Variants in PTPN9 observed in about 807,000 individuals in gnomAD.
The protein encoded by PTPN9 is tyrosine-protein phosphatase non-receptor type 9.
In PTPN9, 26 loss-of-function variants were observed where a neutral mutation model predicts 69.8. The observed-to-expected ratio is 0.37, with a 90% confidence interval of 0.27 to 0.52. PTPN9 has a LOEUF of 0.52. PTPN9 is among the 20% of genes least tolerant of loss of function. The pLI, the probability that PTPN9 is intolerant of heterozygous loss-of-function variation, is 0.91. For missense variants in PTPN9, 549 were observed against 740.3 expected, an observed-to-expected ratio of 0.74 and a Z score of 3.00; for synonymous variants, 274 against 272.5, an observed-to-expected ratio of 1.01 and a Z score of -0.05.
chr15:75,470,865 G>T, intron 10 of PTPN9, 35 bp from the exon 11 acceptor site: 1 of 1,607,258 alleles, frequency 6.2e-7, no homozygotes, highest in Non-Finnish European at 8.5e-7. Flanking sequence ...GCCTTCCATC[G>T]TTCCTCTCCA....
rs1456670699 is a variant in PTPN9 at position 75,512,205 on chromosome 15, G to A, written c.529-3178C>T. On this transcript the variant is annotated intron_variant, in intron 5 of 12. Transcript: ENST00000618819. ...CTGGGATTATTTGGCTAAAGATTATGAATATTCTTTTTTTTTTTTTAAGAC... is the reference window on the plus strand; with the variant it reads ...CTGGGATTATTTGGCTAAAGATTATAAATATTCTTTTTTTTTTTTTAAGAC... 4.0e-5 allele frequency among the ~76,000 whole-genome samples: 6 copies of A among 151,834 alleles called. 1 individual carries two copies. In the South Asian group the frequency reaches 1.0e-3, roughly 26 times the overall value.
chr15:75,578,341 A>T (rs559444678), intron 1 of PTPN9, among the ~76,000 whole-genome samples: 4 of 152,250 alleles, frequency 2.6e-5, no homozygotes, highest in Admixed American at 2.6e-4. Context: ...AAAGCCACAA[A>T]CCCTCACGGA....
At position 75,517,346 on chromosome 15, in the gene PTPN9, A is replaced by T. The variant is rs1283579686; in HGVS notation, c.441T>A (p.Asn147Lys). The change falls in exon 5 of 13, where the codon AAT becomes AAA. Residue 147 changes from asparagine to lysine, a missense_variant. Asn to Lys is a moderately conservative substitution (Grantham distance 94). Around this residue, in one of 3 missense-constraint regions of PTPN9, gnomAD observed 457 missense variants for 661.9 expected, o/e 0.69. Coordinates refer to ENST00000618819, the MANE Select transcript of PTPN9 (RefSeq NM_002833.4). Reference protein sequence around the residue: ...RAVDSFETQRNGLVFIYDMCG... With the variant: ...RAVDSFETQRKGLVFIYDMCG... The stretch of plus-strand genomic sequence containing the variant: ...ACATGTCATAGATAAACACCAGTCC[A>T]TTCCTCTGAGTTTCAAAGCTGTAAA... 6.2e-7 allele frequency: 1 copy of T among 1,612,956 alleles called. No homozygotes were observed.
intron 5 of PTPN9, chr15:75,513,141 A>G (rs779554325): frequency 1.7e-5 from 7 of 400,220 alleles, no homozygotes; most frequent in Non-Finnish European, 2.5e-5. Flanking sequence ...AGTCATGTAA[A>G]TAGACTAGGC....
intron 5 of PTPN9, among the ~76,000 whole-genome samples, chr15:75,510,837 C>T (rs1418546719): frequency 6.6e-6 from 1 of 152,136 alleles, no homozygotes; most frequent in Non-Finnish European, 1.5e-5. Flanking sequence ...TCATCACAAA[C>T]AAAAACCCTG....
intron 5 of PTPN9, among the ~76,000 whole-genome samples, chr15:75,512,030 A>T (rs2074847971): frequency 6.6e-6 from 1 of 152,114 alleles, no homozygotes; most frequent in Non-Finnish European, 1.5e-5. Context: ...TTTTTAGCAG[A>T]GATGGGTTTT....
chr15:75,577,137 T>C (rs1300685560), intron 1 of PTPN9, among the ~76,000 whole-genome samples: 3 of 152,228 alleles, frequency 2.0e-5, no homozygotes, highest in Non-Finnish European at 2.9e-5. Context: ...TATATGTGTA[T>C]GCACTATGTA....
intron 1 of PTPN9, among the ~76,000 whole-genome samples, chr15:75,537,125 G>C (rs893512994): frequency 2.0e-5 from 3 of 151,814 alleles, no homozygotes; most frequent in Non-Finnish European, 4.4e-5. Context: ...GCCAAGGCAG[G>C]CGGATCACCT....
chr15:75,542,083 T>A (rs1222450565), intron 1 of PTPN9, among the ~76,000 whole-genome samples: 1 of 151,062 alleles, frequency 6.6e-6, no homozygotes, highest in Non-Finnish European at 1.5e-5. Flanking sequence ...CATTAATAGG[T>A]CTACTCCCAG....
intron 6 of PTPN9, 103 bp downstream of exon 6, chr15:75,508,813 CT>C: frequency 1.2e-6 from 1 of 800,460 alleles, no homozygotes; most frequent in Non-Finnish European, 2.1e-6. Flanking sequence ...GCAGAACAGG[CT>C]CTAGAAGACA....
chr15:75,521,852 AT>A (rs758296992), intron 4 of PTPN9, among the ~76,000 whole-genome samples: 10 of 152,182 alleles, frequency 6.6e-5, no homozygotes, highest in Non-Finnish European at 7.3e-5. Flanking sequence ...ACCTACAGAG[AT>A]TCGGATGTTA....
chr15:75,550,738 C>G (rs989376873), intron 1 of PTPN9, among the ~76,000 whole-genome samples: 1 of 152,108 alleles, frequency 6.6e-6, no homozygotes, highest in Admixed American at 6.5e-5. Context: ...GAGCCAAGAT[C>G]GCACCACTGC....
intron 5 of PTPN9, among the ~76,000 whole-genome samples, chr15:75,511,891 A>G (rs1425382618): frequency 7.0e-6 from 1 of 143,614 alleles, no homozygotes; most frequent in Non-Finnish European, 1.5e-5. Context: ...TTTTAGTCTC[A>G]CTTGGTCACC....
At chr15:75,573,291 C>G (rs2075157212) in intron 1 of PTPN9, among the ~76,000 whole-genome samples, 1 of 152,176 alleles carries the variant, frequency 6.6e-6, no homozygotes, top group Non-Finnish European at 1.5e-5. Context: ...ATGCCCACCA[C>G]AGAGCCTGAC....
intron 8 of PTPN9, among the ~76,000 whole-genome samples, chr15:75,486,941 C>A (rs1207872296): frequency 6.6e-6 from 1 of 151,790 alleles, no homozygotes; most frequent in Non-Finnish European, 1.5e-5. Context: ...CCCACCACCA[C>A]ACCTGGCTAA....
At position 75,578,670 on chromosome 15, in the gene PTPN9, G is replaced by C. The variant is rs773150848; in HGVS notation, c.63+44C>G. On this transcript the variant is annotated intron_variant, in intron 1 of 12. Coordinates refer to ENST00000618819, the MANE Select transcript of PTPN9 (RefSeq NM_002833.4). ...GGAGGCAGAGGCCGGCGTAGGCCTC[G>C]GGGGCCCGGACACACCCAACGCGGC... 7 of 1,320,366 alleles carry C rather than the reference G, an allele frequency of 5.3e-6. No homozygotes were observed. The South Asian group carries it at 1.1e-4, about 22-fold the overall frequency. 81.8% of individuals were successfully genotyped at this position (1,320,366 alleles called of 1,614,324 possible).
intron 1 of PTPN9, among the ~76,000 whole-genome samples, chr15:75,540,942 G>T (rs2075005737): frequency 6.6e-6 from 1 of 151,734 alleles, no homozygotes. Context: ...AGCCAGGTGT[G>T]GTGGTGCACA....
At chr15:75,473,811 C>CT (rs1350069826) in intron 9 of PTPN9, 44 bp from the exon 10 acceptor site, 7 of 1,466,066 alleles carry the variant, frequency 4.8e-6, no homozygotes, top group Non-Finnish European at 6.7e-6. Context: ...CTGGGAAACA[C>CT]TTTTTTTCTT....
intron 1 of PTPN9, among the ~76,000 whole-genome samples, chr15:75,533,305 C>T (rs965102153): frequency 3.9e-5 from 6 of 152,110 alleles, no homozygotes; most frequent in Non-Finnish European, 7.4e-5. Context: ...GCTTTGTCAC[C>T]GAGGATGGAG....
Sources: allele counts gnomAD v4.1 joint callset (sites outside exome capture counted in the v4.1 genomes callset), GRCh38; gene constraint gnomAD v4.1.1; regional missense constraint gnomAD v4.1.1; transcripts MANE v1.5; gene names NCBI Gene and HGNC (gene_info 2026-07-23, HGNC 2026-07-21).